The following GPC5 variants were observed in gnomAD, a reference collection of about 807,000 sequenced individuals.
GPC5 encodes glypican-5.
A neutral mutation model predicts 53.9 loss-of-function variants in GPC5; 47 were observed. That is an observed-to-expected ratio of 0.87 (90% confidence interval 0.69 to 1.11). The LOEUF (loss-of-function observed/expected upper bound fraction) is 1.11, where lower values mean the gene tolerates loss of function less well. Ranked by LOEUF, GPC5 falls within the 50% of genes most tolerant of loss-of-function variation. The pLI is 0.00. For synonymous variants in GPC5, 286 were observed against 263.3 expected (o/e 1.09, Z -0.84); for missense variants, 748 against 713.1 (o/e 1.05, Z -0.56).
chr13:92,320,456 C>A (rs1400789014), intron 7 of GPC5, among the ~76,000 whole-genome samples: 4 of 152,108 alleles, frequency 2.6e-5, no homozygotes, highest in Non-Finnish European at 5.9e-5. Flanking sequence ...AGCTGTTCAG[C>A]TTTTACCTTT....
At chr13:92,538,973 A>G (rs1356974956) in intron 7 of GPC5, among the ~76,000 whole-genome samples, 15 of 117,734 alleles carry the variant, frequency 1.3e-4, no homozygotes, top group Admixed American at 5.8e-4. Context: ...TATACCTTGT[A>G]TATATATATA....
At chr13:91,977,425 T>C (rs1384821637) in intron 6 of GPC5, among the ~76,000 whole-genome samples, 2 of 152,204 alleles carry the variant, frequency 1.3e-5, no homozygotes, top group Non-Finnish European at 2.9e-5. Flanking sequence ...TTTAGACAGA[T>C]ATTTTTTCAG....
At chr13:92,623,532 T>G (rs1404027199) in intron 7 of GPC5, among the ~76,000 whole-genome samples, 2 of 152,134 alleles carry the variant, frequency 1.3e-5, no homozygotes, top group Admixed American at 1.3e-4. Context: ...CTTACATTAT[T>G]AAAATGAGAG....
intron 7 of GPC5, among the ~76,000 whole-genome samples, chr13:92,313,167 A>G (rs913013551): frequency 2.0e-5 from 3 of 152,208 alleles, no homozygotes; most frequent in Admixed American, 1.3e-4. Context: ...AGAAAGTAGA[A>G]CAAGAAAGCC....
intron 7 of GPC5, among the ~76,000 whole-genome samples, chr13:92,517,020 C>G (rs948091308): frequency 8.6e-5 from 13 of 151,988 alleles, no homozygotes; most frequent in East Asian, 3.9e-4. Flanking sequence ...AATGGCACAC[C>G]AGGAGGTTAT....
chr13:91,587,894 G>A (rs1594296178), intron 2 of GPC5, among the ~76,000 whole-genome samples: 1 of 152,122 alleles, frequency 6.6e-6, no homozygotes, highest in African/African-American at 2.4e-5. Context: ...TTTATCAAAT[G>A]TCTCCTGCAT....
chr13:91,803,255 T>G (rs988994738), intron 5 of GPC5, among the ~76,000 whole-genome samples: 1 of 152,150 alleles, frequency 6.6e-6, no homozygotes, highest in Non-Finnish European at 1.5e-5. Flanking sequence ...AAAATGAAAA[T>G]AGTTTAAAAA....
intron 7 of GPC5, among the ~76,000 whole-genome samples, chr13:92,220,531 A>C (rs2042441098): frequency 6.6e-6 from 1 of 152,228 alleles, no homozygotes; most frequent in South Asian, 2.1e-4. Context: ...AGCAATTTTC[A>C]AAGTGTATAC....
chr13:91,558,038 G>A (rs1046009280), intron 2 of GPC5, among the ~76,000 whole-genome samples: 1 of 152,124 alleles, frequency 6.6e-6, no homozygotes, highest in African/African-American at 2.4e-5. Context: ...ATAAAAGTCA[G>A]GGGGAGCATA....
chr13:92,058,757 T>C (rs1263855790), intron 6 of GPC5, among the ~76,000 whole-genome samples: 2 of 152,130 alleles, frequency 1.3e-5, no homozygotes, highest in African/African-American at 4.8e-5. Context: ...TTGCCCAAGC[T>C]GGTCTTGAGC....
intron 4 of GPC5, among the ~76,000 whole-genome samples, chr13:91,755,503 A>C (rs1374949073): frequency 6.6e-6 from 1 of 152,122 alleles, no homozygotes; most frequent in Non-Finnish European, 1.5e-5. Context: ...CTTGGCCTTG[A>C]AATGTTAAAA....
At chr13:91,871,213 A>C (rs2039140328) in intron 5 of GPC5, among the ~76,000 whole-genome samples, 2 of 152,342 alleles carry the variant, frequency 1.3e-5, no homozygotes, top group African/African-American at 4.8e-5. Context: ...AAAGATATTC[A>C]ACCTGTATAC....
chr13:92,583,671 A>T (rs530953650), intron 7 of GPC5, among the ~76,000 whole-genome samples: 20 of 152,184 alleles, frequency 1.3e-4, no homozygotes, highest in Non-Finnish European at 2.9e-4. Context: ...GTCTGAGGTC[A>T]CCAGGCAAGA....
intron 7 of GPC5, among the ~76,000 whole-genome samples, chr13:92,828,679 A>C (rs1237616888): frequency 6.6e-6 from 1 of 152,138 alleles, no homozygotes; most frequent in Non-Finnish European, 1.5e-5. Context: ...AGGAAAATTG[A>C]GCTCAAGTCC....
chr13:91,929,718 G>T (rs1412025396), intron 6 of GPC5, among the ~76,000 whole-genome samples: 2 of 151,890 alleles, frequency 1.3e-5, no homozygotes, highest in African/African-American at 4.8e-5. Flanking sequence ...ACATTTTCCT[G>T]CTGTTCCTTT....
chr13:91,789,807 C>T (rs2037935607), intron 5 of GPC5, among the ~76,000 whole-genome samples: 1 of 152,114 alleles, frequency 6.6e-6, no homozygotes, highest in Admixed American at 6.6e-5. Context: ...TGACTTCACA[C>T]TATAGGCTGG....
chr13:91,822,337 G>T (rs138518123), intron 5 of GPC5, among the ~76,000 whole-genome samples: 218 of 152,258 alleles, frequency 1.4e-3, no homozygotes, highest in African/African-American at 5.1e-3. Context: ...TGGAAGAGTG[G>T]CAGGATGGAC....
At chr13:91,621,377 G>A (rs1039198844) in intron 2 of GPC5, among the ~76,000 whole-genome samples, 4 of 151,986 alleles carry the variant, frequency 2.6e-5, no homozygotes, top group African/African-American at 9.7e-5. Context: ...GGTTAACCTC[G>A]ACACTAGATG....
chr13:92,039,851 C>A (rs2040928160), intron 6 of GPC5, among the ~76,000 whole-genome samples: 1 of 152,078 alleles, frequency 6.6e-6, no homozygotes, highest in South Asian at 2.1e-4. Flanking sequence ...ATTCGTTTTA[C>A]CTTAATTACC....
Sources: allele counts gnomAD v4.1 joint callset (sites outside exome capture counted in the v4.1 genomes callset), GRCh38; gene constraint gnomAD v4.1.1; transcripts MANE v1.5; gene names NCBI Gene and HGNC (gene_info 2026-07-23, HGNC 2026-07-21).